GLRX3: variants seen among roughly 807,000 people sequenced by gnomAD.
GLRX3 encodes the protein glutaredoxin 3.
A neutral mutation model predicts 49.5 loss-of-function variants in GLRX3; 22 were observed. The ratio of observed to expected loss-of-function variants is 0.44; its 90% CI spans 0.32 to 0.63. GLRX3 has a LOEUF of 0.63. GLRX3 is among the 30% of genes least tolerant of loss of function. The probability of loss-of-function intolerance (pLI) is 0.05; values close to 1 mark genes in which losing one functional copy is unlikely to be tolerated. For missense variants in GLRX3, 385 were observed against 396.3 expected (o/e 0.97, Z 0.24); for synonymous variants, 133 against 140.0 (o/e 0.95, Z 0.35).
intron 6 of GLRX3, among the ~76,000 whole-genome samples, chr10:130,167,593 G>A (rs1053532767): frequency 1.3e-5 from 2 of 152,116 alleles, no homozygotes; most frequent in Non-Finnish European, 2.9e-5. Flanking sequence ...GATTTTTATT[G>A]CAGTAAAATT....
At chr10:130,168,385 A>G (rs1176979739) in intron 6 of GLRX3, among the ~76,000 whole-genome samples, 1 of 152,238 alleles carries the variant, frequency 6.6e-6, no homozygotes, top group Non-Finnish European at 1.5e-5. Flanking sequence ...TTGGCAATGT[A>G]AGTGATACAG....
intron 10 of GLRX3, among the ~76,000 whole-genome samples, chr10:130,177,875 T>C (rs1463798707): frequency 2.0e-5 from 3 of 152,246 alleles, no homozygotes; most frequent in African/African-American, 7.2e-5. Flanking sequence ...TGTTCAGTGA[T>C]AACCTGAAAT....
downstream of GLRX3, among the ~76,000 whole-genome samples, chr10:130,179,858 G>A (rs1277741542): frequency 6.6e-6 from 1 of 152,172 alleles, no homozygotes. Flanking sequence ...ACGGAAATTA[G>A]TTTCTGATGT....
chr10:130,169,496 G>A lies in GLRX3; in HGVS notation c.771+6G>A. ...TTATGAAAGGAAACAAACAGGTAAA[G>A]AACTCAAAAATGGTTTTATTTGTAA... On this transcript the variant is annotated splice_donor_region_variant and intron_variant, in intron 7 of 10. Coordinates refer to ENST00000331244, the MANE Select transcript of GLRX3 (RefSeq NM_006541.5). 1.3e-6 allele frequency: 2 copies of A among 1,584,714 alleles called. No individual in the cohort carries two copies. The highest frequency in any genetic ancestry group is 1.7e-6 in the Non-Finnish European group (2 of 1,153,282).
At position 130,147,633 on chromosome 10, in the gene GLRX3, T is replaced by G. The variant is rs77872383; in HGVS notation, c.201+2314T>G. ...ATAGTTTTTCTTTGATTAGCCATCA[T>G]TAAGGGCAAAGGTACTTTCCATGGC... On this transcript the variant is annotated intron_variant, in intron 2 of 10. Transcript: ENST00000331244. Among the ~76,000 whole-genome samples, 843 of 152,160 alleles carry G rather than the reference T, an allele frequency of 5.5e-3. 9 individuals carry two copies. Among genetic ancestry groups the G allele is most frequent in the African/African-American group, 0.019 (786 of 41,408 alleles).
chr10:130,152,925 C>T (rs973636895), intron 2 of GLRX3, among the ~76,000 whole-genome samples: 1 of 152,190 alleles, frequency 6.6e-6, no homozygotes, highest in Non-Finnish European at 1.5e-5. Flanking sequence ...CTCCCTGTCA[C>T]TTTCAGGTAC....
chr10:130,136,533 TAGGAGTGAGGAGCCGGAGCGGG>T (rs1862054987), intron 1 of GLRX3, 21 bp downstream of exon 1: 2 of 1,259,442 alleles, frequency 1.6e-6, no homozygotes, highest in Non-Finnish European at 2.0e-6. Flanking sequence ...CGGCGAGCGG[TAGGAGTGAGGAGCCGGAGCGGG>T]AGCGGCCGCG....
intron 4 of GLRX3, 85 bp from the exon 5 acceptor site, chr10:130,166,422 A>T (rs570888794): frequency 6.7e-6 from 6 of 892,918 alleles, no homozygotes; most frequent in East Asian, 2.4e-5. Flanking sequence ...CTTTTAGATG[A>T]TATGTACGCT....
intron 2 of GLRX3, among the ~76,000 whole-genome samples, chr10:130,154,527 T>G (rs1015057812): frequency 6.6e-6 from 1 of 152,186 alleles, no homozygotes; most frequent in Admixed American, 6.5e-5. Flanking sequence ...GAAATTTATA[T>G]TTGGCTGTTT....
At chr10:130,164,412 T>A (rs1403293045) in intron 4 of GLRX3, among the ~76,000 whole-genome samples, 4 of 152,214 alleles carry the variant, frequency 2.6e-5, no homozygotes, top group African/African-American at 9.6e-5. Flanking sequence ...AGTCAGATAT[T>A]CCTTCTGCAG....
At chr10:130,170,729 T>C (rs1203423724) in intron 7 of GLRX3, among the ~76,000 whole-genome samples, 2 of 152,224 alleles carry the variant, frequency 1.3e-5, no homozygotes, top group African/African-American at 4.8e-5. Flanking sequence ...TATTAAAATG[T>C]TGACATGGTA....
chr10:130,176,732 TCTTCCCTCCCTCCCTC>T lies in GLRX3; in HGVS notation c.957+1661_957+1676del, dbSNP rs1197640686. Among the ~76,000 whole-genome samples the T allele has an allele frequency of 3.5e-3, 527 of 151,228 alleles. 1 individual carries two copies. Among genetic ancestry groups the T allele is most frequent in the African/African-American group, 0.012 (494 of 40,932 alleles). On this transcript the variant is annotated intron_variant, in intron 10 of 10. Coordinates refer to ENST00000331244, the MANE Select transcript of GLRX3 (RefSeq NM_006541.5). ...CAGCAGAAACAGATCTGCATTTGTT[TCTTCCCTCCCTCCCTC>T]CTTCCCTCCCTCCCTCCCTCCCTCT...
intron 10 of GLRX3, 91 bp downstream of exon 10, chr10:130,175,180 T>C: frequency 1.3e-6 from 1 of 771,682 alleles, no homozygotes; most frequent in Non-Finnish European, 2.3e-6. Context: ...TTGAGAGTTG[T>C]TTTTGACTCC....
At chr10:130,175,681 T>C (rs767996355) in intron 10 of GLRX3, among the ~76,000 whole-genome samples, 3 of 152,252 alleles carry the variant, frequency 2.0e-5, no homozygotes, top group African/African-American at 7.2e-5. Context: ...TAAGTGACTT[T>C]ACTTCTTGAT....
chr10:130,144,315 A>C (rs1409722776), intron 1 of GLRX3, among the ~76,000 whole-genome samples: 1 of 141,998 alleles, frequency 7.0e-6, no homozygotes, highest in Admixed American at 7.2e-5. Context: ...GTTTACTTTA[A>C]GTTCTGGGAT....
intron 6 of GLRX3, among the ~76,000 whole-genome samples, chr10:130,167,213 A>G (rs113207151): frequency 5.9e-5 from 9 of 152,296 alleles, no homozygotes; most frequent in African/African-American, 2.2e-4. Context: ...TTTTATAGAA[A>G]TGTCATTGTT....
intron 2 of GLRX3, among the ~76,000 whole-genome samples, chr10:130,158,183 A>G (rs1862512887): frequency 6.6e-6 from 1 of 152,096 alleles, no homozygotes; most frequent in South Asian, 2.1e-4. Flanking sequence ...ACTGGAAATC[A>G]GCAGGAATAT....
At chr10:130,172,864 G>A (rs1163142298) in intron 8 of GLRX3, among the ~76,000 whole-genome samples, 1 of 152,156 alleles carries the variant, frequency 6.6e-6, no homozygotes, top group African/African-American at 2.4e-5. Context: ...AATCACTTGA[G>A]CCCAGGAGGT....
At chr10:130,170,096 T>G (rs1862775972) in intron 7 of GLRX3, among the ~76,000 whole-genome samples, 2 of 152,248 alleles carry the variant, frequency 1.3e-5, no homozygotes, top group Admixed American at 1.3e-4. Context: ...TCTTTCAGAT[T>G]GAGATCAGAG....
Sources: allele counts gnomAD v4.1 joint callset (sites outside exome capture counted in the v4.1 genomes callset), GRCh38; gene constraint gnomAD v4.1.1; transcripts MANE v1.5; gene names NCBI Gene and HGNC (gene_info 2026-07-23, HGNC 2026-07-21).